Variants in INTS11 observed in about 807,000 individuals in gnomAD.
INTS11 encodes the protein integrator complex subunit 11, also known as CPSF3-like protein.
In INTS11, 77 loss-of-function variants were observed where a neutral mutation model predicts 78.6. That is an observed-to-expected ratio of 0.98 (90% CI 0.81 to 1.18). INTS11 has a LOEUF of 1.18. INTS11 is among the 50% of genes most tolerant of loss of function. The probability of loss-of-function intolerance (pLI) is 0.00; values close to 1 mark genes in which losing one functional copy is unlikely to be tolerated. For missense variants in INTS11, 875 were observed against 825.9 expected (o/e 1.06, Z -0.73); for synonymous variants, 441 against 326.9 (o/e 1.35, Z -3.77).
Position 1,324,570 on chromosome 1 carries a change from C to T in INTS11, c.28+11G>A. ...GCCCACCCCACAGCCCTCCCGGCGGCTCCCACTCACCCAAGGGCGTGACTC... is the reference window on the plus strand; with the variant it reads ...GCCCACCCCACAGCCCTCCCGGCGGTTCCCACTCACCCAAGGGCGTGACTC... On this transcript the variant is annotated intron_variant, in intron 1 of 16. Transcript: ENST00000435064. 1.9e-6 allele frequency: 3 copies of T among 1,590,988 alleles called. No homozygotes were observed. Among genetic ancestry groups the T allele is most frequent in the South Asian group, 2.3e-5 (2 of 88,572 alleles).
At chr1:1,312,417 C>A in intron 14 of INTS11, 23 bp downstream of exon 14, 1 of 1,565,318 alleles carries the variant, frequency 6.4e-7, no homozygotes, top group Middle Eastern at 1.7e-4. Context: ...CCTCCCCCCT[C>A]CAGAGACCGT....
intron 12 of INTS11, 29 bp from the exon 13 acceptor site, chr1:1,312,729 G>A (rs951285900): frequency 1.9e-6 from 3 of 1,590,650 alleles, no homozygotes; most frequent in Non-Finnish European, 2.6e-6. Flanking sequence ...GAGAGCCTCA[G>A]CCCAGGCTGC....
At chr1:1,315,253 T>G in intron 6 of INTS11, 151 bp downstream of exon 6, 1 of 953,198 alleles carries the variant, frequency 1.0e-6, no homozygotes, top group Non-Finnish European at 1.6e-6. Context: ...CCTTCGCGCA[T>G]TTGGGCCCAG....
intron 1 of INTS11, chr1:1,321,983 G>A (rs759717567): frequency 1.5e-6 from 2 of 1,367,366 alleles, no homozygotes; most frequent in Admixed American, 3.5e-5. Context: ...CCGAGGGGCT[G>A]CCTGCCACAG....
At chr1:1,321,895 G>GTAT in intron 1 of INTS11, 2 of 800,964 alleles carry the variant, frequency 2.5e-6, no homozygotes, top group Non-Finnish European at 3.6e-6. Context: ...TTTTCCCCTT[G>GTAT]AATCCCACCC....
intron 4 of INTS11, chr1:1,316,068 G>C (rs1642589511): frequency 5.2e-6 from 1 of 193,718 alleles, no homozygotes; most frequent in African/African-American, 2.4e-5. Flanking sequence ...GATCCCTTGG[G>C]GTCAGGAATT....
At chr1:1,320,618 G>C in intron 2 of INTS11, 89 bp from the exon 3 acceptor site, 1 of 1,329,834 alleles carries the variant, frequency 7.5e-7, no homozygotes, top group African/African-American at 1.4e-5. Context: ...CCCCCAGGAA[G>C]GGGGGTTCTA....
rs1454234702 is a variant in INTS11 at position 1,320,329 on chromosome 1, G to A, written c.200+127C>T. On this transcript the variant is annotated intron_variant, in intron 3 of 16. Coordinates refer to ENST00000435064, the MANE Select transcript of INTS11 (RefSeq NM_017871.6). The stretch of plus-strand genomic sequence containing the variant: ...AGGCAGGCAGGGAGCAGATCCTGGG[G>A]CCTAGAAGCCCCCTGAGGATCAAGG... The A allele has an allele frequency of 1.2e-5, 10 of 833,552 alleles. No homozygotes were observed. In the Admixed American group the frequency reaches 1.6e-4, roughly 13 times the overall value. The allele number at this position is 833,552 out of a possible 1,614,324, so 51.6% of individuals were successfully genotyped here.
At position 1,312,714 on chromosome 1, in the gene INTS11, G is replaced by A. The variant is rs1025551343; in HGVS notation, c.1295-14C>T. 3 of 1,590,252 alleles carry A rather than the reference G, an allele frequency of 1.9e-6. No individual in the cohort carries two copies. The highest frequency in any genetic ancestry group is 1.3e-5 in the African/African-American group (1 of 74,602). On this transcript the variant is annotated splice_polypyrimidine_tract_variant and intron_variant, in intron 12 of 16. Coordinates refer to ENST00000435064, the MANE Select transcript of INTS11 (RefSeq NM_017871.6). Reference sequence around the variant, plus strand: ...AGCAGTTGACCCCTGGACCCCGGGGGAAGAGAGAGCCTCAGCCCAGGCTGC... The same window carrying A: ...AGCAGTTGACCCCTGGACCCCGGGGAAAGAGAGAGCCTCAGCCCAGGCTGC...
Position 1,313,581 on chromosome 1 carries a change from G to T in INTS11, c.969C>A (p.Ala323=), listed in dbSNP as rs1023561012. The change falls in exon 10 of 17, where the codon GCC becomes GCA. Residue 323 remains alanine (A), a synonymous_variant. Transcript: ENST00000435064. ...GCCCAGCGTGCAGCATTCCTGGCGTGGCAAACACAACCTACAGGACACACA... is the reference window on the plus strand; with the variant it reads ...GCCCAGCGTGCAGCATTCCTGGCGTTGCAAACACAACCTACAGGACACACA... ...ADNPGPMVVF[A]TPGMLHAGQS... The T allele has an allele frequency of 6.2e-7, 1 of 1,612,942 alleles. No individual in the cohort carries two copies. The highest frequency in any genetic ancestry group is 8.5e-7 in the Non-Finnish European group (1 of 1,180,014).
At position 1,313,500 on chromosome 1, in the gene INTS11, T is replaced by C. The variant is rs904640871; in HGVS notation, c.1041+9A>G. 9.9e-6 allele frequency: 16 copies of C among 1,612,760 alleles called. No individual in the cohort carries two copies. Among genetic ancestry groups the C allele is most frequent in the Admixed American group, 1.7e-5 (1 of 60,002 alleles). On this transcript the variant is annotated intron_variant, in intron 10 of 16. Coordinates refer to ENST00000435064, the MANE Select transcript of INTS11 (RefSeq NM_017871.6). ...GCTTCCAGATTCCCACACCTCACCA[T>C]GCCCTCACCATGTTCTTTTCGTTTC...
chr1:1,323,472 ATG>A (rs1158970163), intron 1 of INTS11, among the ~76,000 whole-genome samples: 1 of 152,082 alleles, frequency 6.6e-6, no homozygotes, highest in Non-Finnish European at 1.5e-5. Flanking sequence ...TGGCACAATC[ATG>A]GCTCACTGCA....
At position 1,314,709 on chromosome 1, in the gene INTS11, A is replaced by T; in HGVS notation, c.702+115T>A. On this transcript the variant is annotated intron_variant, in intron 7 of 16. Transcript: ENST00000435064. The surrounding 1 kb of genome is among the most constrained non-coding windows in gnomAD (Gnocchi z 4.2). ...GCAAATCTTCTTCCCTCCCTGCCTG[A>T]AAATGCAGTACCCCCCACCCTGAGA... 1 of 1,257,012 alleles carries T rather than the reference A, an allele frequency of 8.0e-7. No homozygotes were observed. The highest frequency in any genetic ancestry group is 1.4e-5 in the South Asian group (1 of 69,206). 77.9% of individuals were successfully genotyped at this position (1,257,012 alleles called of 1,614,324 possible). A position where few individuals can be genotyped will look rare whatever the true frequency, so the allele number is the denominator to read the frequency against.
At position 1,318,763 on chromosome 1, in the gene INTS11, G is replaced by A. The variant is rs1376288299; in HGVS notation, c.429+533C>T. The stretch of plus-strand genomic sequence containing the variant: ...ACATAGGTACCTAATATAGTTTCAA[G>A]AAATATAAAAGCAATACCCAGAGAT... On this transcript the variant is annotated intron_variant, in intron 4 of 16. Coordinates refer to ENST00000435064, the MANE Select transcript of INTS11 (RefSeq NM_017871.6). 3 of 522,928 alleles carry A rather than the reference G, an allele frequency of 5.7e-6. No individual in the cohort carries two copies. In the Admixed American group the frequency reaches 1.1e-4, roughly 19 times the overall value. 32.4% of individuals were successfully genotyped at this position (522,928 alleles called of 1,614,324 possible). A position where few individuals can be genotyped will look rare whatever the true frequency, so the allele number is the denominator to read the frequency against.
chr1:1,323,186 G>T, intron 1 of INTS11: 1 of 1,550,252 alleles, frequency 6.5e-7, no homozygotes, highest in Non-Finnish European at 8.7e-7. Flanking sequence ...CTCACGCCAT[G>T]GGGGAGGACA....
chr1:1,321,257 G>C (rs1642930532), intron 1 of INTS11, among the ~76,000 whole-genome samples, 164 bp from the exon 2 acceptor site: 1 of 152,210 alleles, frequency 6.6e-6, no homozygotes, highest in Non-Finnish European at 1.5e-5. Flanking sequence ...CAGGAAGGGG[G>C]ACACAGGGGA....
In INTS11 at chr1:1,311,628, C is replaced by T; in HGVS notation, c.*231G>A. ...TTTGTTCAGCTTTTACTGGAAACTG[C>T]TGTCTAGGACCACCTGCCCTAACCA... On this transcript the variant is annotated 3_prime_UTR_variant, in exon 17 of 17. Transcript: ENST00000435064. 2 of 708,020 alleles carry T rather than the reference C, an allele frequency of 2.8e-6. No individual in the cohort carries two copies. The highest frequency in any genetic ancestry group is 2.6e-6 in the Non-Finnish European group (1 of 391,450). The allele number at this position is 708,020 out of a possible 1,614,324, so 43.9% of individuals were successfully genotyped here. A position where few individuals can be genotyped will look rare whatever the true frequency, so the allele number is the denominator to read the frequency against.
chr1:1,313,354 G>A (rs149153144), intron 10 of INTS11, 155 bp downstream of exon 10: 12 of 928,890 alleles, frequency 1.3e-5, no homozygotes, highest in Middle Eastern at 2.3e-4. Context: ...AGACTGAGCA[G>A]CTCCAGGCGG....
Position 1,313,297 on chromosome 1 carries a change from G to T in INTS11, c.1042-173C>A, listed in dbSNP as rs1570709229. ...CAGGTTTTGGCACAAGACTGTCCAGGGCTGGGCTGGGGCTGTTCTGCCCGA... is the reference window on the plus strand; with the variant it reads ...CAGGTTTTGGCACAAGACTGTCCAGTGCTGGGCTGGGGCTGTTCTGCCCGA... On this transcript the variant is annotated intron_variant, in intron 10 of 16. Coordinates refer to ENST00000435064, the MANE Select transcript of INTS11 (RefSeq NM_017871.6). The T allele has an allele frequency of 8.9e-6, 8 of 899,984 alleles. No individual in the cohort carries two copies. The East Asian group carries it at 2.1e-4, about 24-fold the overall frequency. The allele number at this position is 899,984 out of a possible 1,614,324, so 55.7% of individuals were successfully genotyped here.
Sources: gnomAD v4.1 joint callset for allele counts (sites outside exome capture counted in the v4.1 genomes callset) on GRCh38, gnomAD v4.1.1 for gene constraint, Gnocchi (gnomAD v3.1) non-coding constraint, MANE v1.5 for transcripts, NCBI Gene and HGNC (gene_info 2026-07-23, HGNC 2026-07-21) for gene names.